The following SEC31A variants were observed in gnomAD, a reference collection of about 807,000 sequenced individuals.
SEC31A encodes the protein protein transport protein Sec31A.
In SEC31A, 70 loss-of-function variants were observed where a neutral mutation model predicts 151.0. The observed-to-expected ratio is 0.46, with a 90% CI of 0.38 to 0.57. SEC31A has a LOEUF of 0.57. SEC31A is among the 20% of genes least tolerant of loss of function. The pLI, the probability that SEC31A is intolerant of heterozygous loss-of-function variation, is 0.00. For missense variants in SEC31A, 1,330 were observed against 1,471.2 expected (o/e 0.90, Z 1.57); for synonymous variants, 475 against 505.9 (o/e 0.94, Z 0.82).
intron 25 of SEC31A, among the ~76,000 whole-genome samples, chr4:82,823,106 T>G (rs547908917): frequency 2.6e-5 from 4 of 152,336 alleles, no homozygotes; most frequent in Admixed American, 6.5e-5. Flanking sequence ...TAGGAACACT[T>G]TGTCTTTTAT....
At chr4:82,827,919 T>C (rs1337182131) in intron 23 of SEC31A, among the ~76,000 whole-genome samples, 3 of 138,176 alleles carry the variant, frequency 2.2e-5, no homozygotes, top group Non-Finnish European at 4.7e-5. Flanking sequence ...AAACCATGGC[T>C]TTTTTTTTTT....
At chr4:82,886,021 T>C (rs2125910207) in intron 1 of SEC31A, among the ~76,000 whole-genome samples, 1 of 150,506 alleles carries the variant, frequency 6.6e-6, no homozygotes, top group Admixed American at 6.8e-5. Context: ...AGACAATCTG[T>C]ACATGCTAGC....
At chr4:82,872,152 G>T in intron 6 of SEC31A, 66 bp from the exon 7 acceptor site, 1 of 1,118,388 alleles carries the variant, frequency 8.9e-7, no homozygotes, top group Non-Finnish European at 1.4e-6. Context: ...ACTACAACGA[G>T]AAATATACCT....
rs372081597 is a variant in SEC31A, at chr4:82,848,945, A to G, written c.2361T>C (p.Cys787=). The change falls in exon 20 of 27, where the codon TGT becomes TGC. Residue 787 remains cysteine, a synonymous_variant. Transcript: ENST00000395310. ...CTGCTACAGGCTCTCCTTGTGCTCT[A>G]CAAAGTCTGTCACGAAGCTGCATGA... The part of the protein sequence containing the change: ...PNIMQLRDRL[C]RAQGEPVAGH... 14 of 1,613,708 alleles carry G rather than the reference A, an allele frequency of 8.7e-6. No homozygotes were observed. The highest frequency in any genetic ancestry group is 1.1e-5 in the Non-Finnish European group (13 of 1,179,882).
chr4:82,884,851 C>G (rs1160165177), intron 1 of SEC31A, among the ~76,000 whole-genome samples: 1 of 152,110 alleles, frequency 6.6e-6, no homozygotes, highest in Non-Finnish European at 1.5e-5. Flanking sequence ...TTGTTTAGAT[C>G]TCCTATATCC....
intron 4 of SEC31A, among the ~76,000 whole-genome samples, chr4:82,878,390 A>G (rs1158878698): frequency 1.3e-5 from 2 of 152,154 alleles, no homozygotes; most frequent in African/African-American, 4.8e-5. Flanking sequence ...GCTACTCGGG[A>G]GGCTGAGGCA....
At chr4:82,890,078 A>AT (rs1177669239) in intron 1 of SEC31A, among the ~76,000 whole-genome samples, 1 of 151,892 alleles carries the variant, frequency 6.6e-6, no homozygotes, top group Non-Finnish European at 1.5e-5. Flanking sequence ...AAATACAAAA[A>AT]TTAGACAGGT....
chr4:82,842,481 G>A lies in SEC31A; in HGVS notation c.2627C>T (p.Pro876Leu). 6.2e-7 allele frequency: 1 copy of A among 1,604,026 alleles called. No individual in the cohort carries two copies. The highest frequency in any genetic ancestry group is 8.5e-7 in the Non-Finnish European group (1 of 1,174,688). Residue 876 changes from proline to leucine, a missense_variant and splice_region_variant, in exon 22 of 27, where the codon CCT becomes CTT. Pro to Leu is a moderately conservative substitution (Grantham distance 98). Coordinates refer to ENST00000395310, the MANE Select transcript of SEC31A (RefSeq NM_001077207.4). ...TQVPPYPQPQ[P>L]YQPAQPYPFG... ...GGGATACGGCTGGGCTGGTTGATAA[G>A]CTACACCAAGGAGAAGAAACAGAAA...
intron 2 of SEC31A, 150 bp from the exon 3 acceptor site, chr4:82,881,072 A>G: frequency 1.5e-6 from 1 of 653,560 alleles, no homozygotes; most frequent in Non-Finnish European, 2.6e-6. Context: ...TACTATAGCA[A>G]TGAGATTCTG....
chr4:82,834,876 C>T (rs6846023), intron 22 of SEC31A, among the ~76,000 whole-genome samples: 42,065 of 151,964 alleles, frequency 0.28, 6,863 homozygotes, highest in East Asian at 0.49. Flanking sequence ...GAGGGAGTCT[C>T]GCTCTGTCAC....
chr4:82,843,848 G>C (rs941686431), intron 21 of SEC31A: 4 of 152,280 alleles, frequency 2.6e-5, no homozygotes, highest in African/African-American at 7.2e-5. Flanking sequence ...ATGAGACATT[G>C]ATGTAGGTTC....
intron 7 of SEC31A, chr4:82,871,445 T>A: frequency 7.0e-7 from 1 of 1,427,770 alleles, no homozygotes; most frequent in Non-Finnish European, 9.5e-7. Context: ...AAACAATGGA[T>A]AACAAAACCA....
chr4:82,900,524 A>C (rs1031149649), exon 1 of SEC31A: 9 of 494,452 alleles, frequency 1.8e-5, no homozygotes, highest in African/African-American at 4.0e-5. Context: ...GTTGCAGCAA[A>C]ACCCACTATT....
At chr4:82,831,838 G>A (rs561445170) in intron 22 of SEC31A, among the ~76,000 whole-genome samples, 1 of 152,058 alleles carries the variant, frequency 6.6e-6, no homozygotes, top group Non-Finnish European at 1.5e-5. Flanking sequence ...AAAATACCTA[G>A]GAATACAACT....
chr4:82,848,909 T>C lies in SEC31A; in HGVS notation c.2397A>G (p.Ser799=), dbSNP rs765178221. 1 of 1,614,060 alleles carries C rather than the reference T, an allele frequency of 6.2e-7. No individual in the cohort carries two copies. Among genetic ancestry groups the C allele is most frequent in the Non-Finnish European group, 8.5e-7 (1 of 1,179,986 alleles). ...GCTGTTTCTCGTACGGAATTTTAGG[T>C]GATTCATGTCCTGCTACAGGCTCTC... The part of the protein sequence containing the change: ...AQGEPVAGHE[S]PKIPYEKQQL... Residue 799 remains serine, a synonymous_variant, in exon 20 of 27, where the codon TCA becomes TCG. Coordinates refer to ENST00000395310, the MANE Select transcript of SEC31A (RefSeq NM_001077207.4).
At chr4:82,870,007 G>A (rs548928703) in intron 8 of SEC31A, among the ~76,000 whole-genome samples, 4 of 152,260 alleles carry the variant, frequency 2.6e-5, no homozygotes, top group South Asian at 4.1e-4. Flanking sequence ...ATCCTACATC[G>A]AAGATACTGA....
rs1729083373 is a variant in SEC31A, at chr4:82,842,226, G to A, written c.2882C>T (p.Pro961Leu). The A allele has an allele frequency of 1.9e-6, 3 of 1,613,078 alleles. No individual in the cohort carries two copies. Among genetic ancestry groups the A allele is most frequent in the Non-Finnish European group, 2.5e-6 (3 of 1,179,436 alleles). The change falls in exon 22 of 27, where the codon CCA becomes CTA. Residue 961 changes from proline (P) to leucine (L), a missense_variant. Pro to Leu is a moderately conservative substitution (Grantham distance 98, BLOSUM62 -3). Transcript: ENST00000395310. ...ASFQHGGPGAPPSSSAYALPP... is the reference protein window; with the variant it reads ...ASFQHGGPGALPSSSAYALPP... Reference sequence around the variant, plus strand: ...CAGTGCATAAGCTGAAGATGATGGTGGAGCTCCTGGTCCGCCATGCTGGAA... The same window carrying A: ...CAGTGCATAAGCTGAAGATGATGGTAGAGCTCCTGGTCCGCCATGCTGGAA...
chr4:82,860,182 C>A (rs185232740), intron 14 of SEC31A, among the ~76,000 whole-genome samples: 1 of 152,132 alleles, frequency 6.6e-6, no homozygotes, highest in East Asian at 1.9e-4. Flanking sequence ...GATATAAGGT[C>A]AAAAAATGCA....
chr4:82,841,476 AC>A (rs1553926979), intron 22 of SEC31A, among the ~76,000 whole-genome samples: 46 of 127,080 alleles, frequency 3.6e-4, no homozygotes, highest in Non-Finnish European at 5.2e-4. Flanking sequence ...ATACACACAC[AC>A]TAAAAATACA....
Sources: allele counts gnomAD v4.1 joint callset (sites outside exome capture counted in the v4.1 genomes callset), GRCh38; gene constraint gnomAD v4.1.1; transcripts MANE v1.5; gene names NCBI Gene and HGNC (gene_info 2026-07-23, HGNC 2026-07-21).